Variants in FER observed in about 807,000 individuals in gnomAD.
The protein encoded by FER is FER tyrosine kinase, also known as tyrosine-protein kinase Fer.
FER carries 63 observed loss-of-function variants against 111.0 expected under a neutral mutation model. That is an observed-to-expected ratio of 0.57 (90% CI 0.46 to 0.70). The LOEUF is 0.70. Ranked by LOEUF, FER falls within the 30% of genes least tolerant of loss-of-function variation. The probability of loss-of-function intolerance (pLI) is 0.00; values close to 1 mark genes in which losing one functional copy is unlikely to be tolerated. For synonymous variants in FER, 327 were observed against 313.9 expected, an observed-to-expected ratio of 1.04 and a Z score of -0.44; for missense variants, 914 against 954.0, an observed-to-expected ratio of 0.96 and a Z score of 0.55.
intron 10 of FER, among the ~76,000 whole-genome samples, chr5:108,933,226 G>T (rs925014453): frequency 5.5e-4 from 84 of 152,140 alleles, no homozygotes; most frequent in African/African-American, 1.8e-3. Flanking sequence ...TATGATTTTA[G>T]GTCTTACGTT....
At chr5:108,873,575 A>G (rs1048970937) in intron 8 of FER, among the ~76,000 whole-genome samples, 3 of 152,218 alleles carry the variant, frequency 2.0e-5, no homozygotes, top group African/African-American at 7.2e-5. Flanking sequence ...CAATGGAGGC[A>G]TGAGAGTACA....
intron 5 of FER, among the ~76,000 whole-genome samples, chr5:108,837,716 T>C (rs1561491120): frequency 6.6e-6 from 1 of 152,172 alleles, no homozygotes; most frequent in Non-Finnish European, 1.5e-5. Flanking sequence ...TGTCAAAGTT[T>C]TAATTGTTGT....
Position 109,183,553 on chromosome 5 carries a change from ACTT to A in FER, c.2204-2643_2204-2641del, listed in dbSNP as rs566017692. On this transcript the variant is annotated intron_variant, in intron 18 of 19. Coordinates refer to ENST00000281092, the MANE Select transcript of FER (RefSeq NM_005246.4). ...CGTGAGCTACCGTGCCCAATCCAAT[ACTT>A]CTTTCATATATGAAAGCAGTATATA... 9.7e-4 allele frequency among the ~76,000 whole-genome samples: 148 copies of A among 152,262 alleles called. 2 individuals carry two copies. Among genetic ancestry groups the A allele is most frequent in the African/African-American group, 3.2e-3 (133 of 41,552 alleles).
intron 17 of FER, among the ~76,000 whole-genome samples, chr5:109,160,426 A>G (rs1169554168): frequency 2.0e-5 from 3 of 152,194 alleles, no homozygotes; most frequent in Non-Finnish European, 4.4e-5. Context: ...AAATATATAC[A>G]TAATTGCAAA....
chr5:109,031,270 A>G (rs1392831331), intron 13 of FER, among the ~76,000 whole-genome samples: 1 of 152,010 alleles, frequency 6.6e-6, no homozygotes, highest in East Asian at 1.9e-4. Flanking sequence ...CCATTCCAGG[A>G]GTCCCAAACC....
At chr5:109,173,767 C>A (rs1003778507) in intron 17 of FER, among the ~76,000 whole-genome samples, 8 of 140,726 alleles carry the variant, frequency 5.7e-5, no homozygotes, top group Non-Finnish European at 1.2e-4. Context: ...CCCCCCCCCC[C>A]ACAAGTAACA....
chr5:108,855,431 G>T (rs1406416657), intron 5 of FER, among the ~76,000 whole-genome samples: 5 of 151,810 alleles, frequency 3.3e-5, no homozygotes, highest in African/African-American at 1.2e-4. Context: ...AGGAGATCGA[G>T]ACCACGGTGA....
At chr5:108,815,194 G>GT (rs1218060751) in intron 3 of FER, among the ~76,000 whole-genome samples, 1 of 152,074 alleles carries the variant, frequency 6.6e-6, no homozygotes, top group African/African-American at 2.4e-5. Context: ...TTGAATAGGT[G>GT]TATTTTTGTA....
intron 4 of FER, among the ~76,000 whole-genome samples, chr5:108,834,963 T>C (rs1433347680): frequency 1.3e-5 from 2 of 152,164 alleles, no homozygotes; most frequent in African/African-American, 4.8e-5. Context: ...TCTTCTCAAA[T>C]GGCAAATTTG....
chr5:108,938,541 C>T (rs1423414613), intron 10 of FER, among the ~76,000 whole-genome samples: 1 of 151,840 alleles, frequency 6.6e-6, no homozygotes, highest in Non-Finnish European at 1.5e-5. Flanking sequence ...CCATCCAGGG[C>T]TGAATTTTGC....
chr5:108,822,709 ATTTAT>A (rs570033160), intron 3 of FER, among the ~76,000 whole-genome samples: 6,169 of 121,248 alleles, frequency 0.051, 298 homozygotes, highest in East Asian at 0.16. Flanking sequence ...ATTTTATTTT[ATTTAT>A]TTTATTTTAT....
chr5:109,031,122 T>G (rs766665195), intron 13 of FER, among the ~76,000 whole-genome samples: 3 of 152,172 alleles, frequency 2.0e-5, no homozygotes, highest in Non-Finnish European at 4.4e-5. Context: ...CTGGGCTCAT[T>G]TGGTCATTTT....
At chr5:108,915,136 G>C (rs575465069) in intron 10 of FER, among the ~76,000 whole-genome samples, 3 of 152,282 alleles carry the variant, frequency 2.0e-5, no homozygotes, top group Admixed American at 2.0e-4. Context: ...TCTTTTGAGA[G>C]ATTTGGTTAA....
chr5:109,001,973 G>C (rs1054051825), intron 13 of FER, among the ~76,000 whole-genome samples: 2 of 152,032 alleles, frequency 1.3e-5, no homozygotes, highest in African/African-American at 4.8e-5. Flanking sequence ...AAATAAAAGA[G>C]GATACAAACA....
At chr5:109,094,404 C>T (rs1028130410) in intron 16 of FER, among the ~76,000 whole-genome samples, 3 of 152,106 alleles carry the variant, frequency 2.0e-5, no homozygotes, top group Non-Finnish European at 4.4e-5. Flanking sequence ...CAACATGATA[C>T]TCAAAGGAAA....
At chr5:108,834,604 A>G (rs1038938535) in intron 4 of FER, among the ~76,000 whole-genome samples, 3 of 151,730 alleles carry the variant, frequency 2.0e-5, no homozygotes, top group African/African-American at 7.3e-5. Context: ...AGGCTGAGGC[A>G]TGAGAATTGC....
In FER at chr5:109,051,728, C is replaced by T. The variant is rs139484566; in HGVS notation, c.1924+4530C>T. The T allele has an allele frequency of 2.1e-3, 3,280 of 1,564,422 alleles. 4 individuals carry two copies. Among genetic ancestry groups the T allele is most frequent in the Non-Finnish European group, 2.6e-3 (3,002 of 1,135,028 alleles). ...GGGCCAGTGGTCGCATGGTAAGGGT[C>T]GCTCTTTCCCTTAACCCAATCCTTA... is the stretch of plus-strand genomic sequence containing the variant. On this transcript the variant is annotated intron_variant, in intron 16 of 19. Transcript: ENST00000281092.
intron 8 of FER, among the ~76,000 whole-genome samples, chr5:108,877,852 A>G (rs753655949): frequency 4.7e-4 from 72 of 152,244 alleles, no homozygotes; most frequent in Middle Eastern, 6.8e-3. Flanking sequence ...ATGATATGAA[A>G]AGTGTTGGAT....
At chr5:108,998,582 T>A (rs1764316825) in intron 13 of FER, among the ~76,000 whole-genome samples, 1 of 152,200 alleles carries the variant, frequency 6.6e-6, no homozygotes, top group South Asian at 2.1e-4. Flanking sequence ...CTGTTCCTAT[T>A]TGGCCATCTT....
Sources: gnomAD v4.1 joint callset for allele counts (sites outside exome capture counted in the v4.1 genomes callset) on GRCh38, gnomAD v4.1.1 for gene constraint, MANE v1.5 for transcripts, NCBI Gene and HGNC (gene_info 2026-07-23, HGNC 2026-07-21) for gene names.